COL4A5: variants seen among roughly 807,000 people sequenced by gnomAD.
COL4A5 encodes the protein collagen type IV alpha 5 chain, also known as collagen alpha-5(IV) chain.
Under a neutral mutation model 130.2 loss-of-function variants are expected in COL4A5, and 26 were observed. The observed-to-expected ratio is 0.20, with a 90% CI of 0.15 to 0.28. The LOEUF (loss-of-function observed/expected upper bound fraction) is 0.28. COL4A5 is among the 10% of genes least tolerant of loss of function. The pLI, the probability that COL4A5 is intolerant of heterozygous loss-of-function variation, is 1.00. For synonymous variants in COL4A5, 496 were observed against 439.6 expected (o/e 1.13, Z -1.60); for missense variants, 1,131 against 1,344.3 (o/e 0.84, Z 2.48).
chrX:108,563,609 TG>T (rs1355064656), intron 3 of COL4A5, among the ~76,000 whole-genome samples: 2 of 111,793 alleles, frequency 1.8e-5, no homozygotes, highest in African/African-American at 6.5e-5. Context: ...TTTGTTTTCT[TG>T]TATGATTCAT....
intron 2 of COL4A5, among the ~76,000 whole-genome samples, chrX:108,546,383 G>T (rs1336863842): frequency 8.9e-6 from 1 of 111,749 alleles, no homozygotes; most frequent in African/African-American, 3.3e-5. Context: ...AGTTTGGCTG[G>T]ATATGAAATT....
At chrX:108,544,775 C>T (rs1404971953) in intron 2 of COL4A5, among the ~76,000 whole-genome samples, 4 of 111,252 alleles carry the variant, frequency 3.6e-5, no homozygotes, top group Non-Finnish European at 7.5e-5. Flanking sequence ...TAATTATTGC[C>T]TCAATTTCAG....
chrX:108,477,866 C>T (rs1018328567), intron 1 of COL4A5, among the ~76,000 whole-genome samples: 4 of 109,259 alleles, frequency 3.7e-5, no homozygotes, highest in Admixed American at 2.9e-4. Flanking sequence ...GACAATTAGT[C>T]CCCATTTCTG....
intron 1 of COL4A5, among the ~76,000 whole-genome samples, chrX:108,491,159 G>T (rs1381683534): frequency 9.0e-6 from 1 of 111,296 alleles, no homozygotes; most frequent in East Asian, 2.8e-4. Context: ...AAAGTGTCTT[G>T]GAGCTATTTG....
At chrX:108,599,917 T>G (rs1400408817) in intron 25 of COL4A5, among the ~76,000 whole-genome samples, 1 of 112,254 alleles carries the variant, frequency 8.9e-6, no homozygotes, top group Non-Finnish European at 1.9e-5. Flanking sequence ...TAAGTGCATC[T>G]TCCACTTGAC....
At chrX:108,515,573 T>G (rs2065213092) in intron 1 of COL4A5, among the ~76,000 whole-genome samples, 1 of 101,413 alleles carries the variant, frequency 9.9e-6, no homozygotes, top group South Asian at 4.0e-4. Context: ...TAAAGGACAG[T>G]TTTTTTTTTG....
intron 24 of COL4A5, among the ~76,000 whole-genome samples, 189 bp downstream of exon 24, chrX:108,597,757 T>A (rs1429222998): frequency 1.8e-5 from 2 of 112,044 alleles, no homozygotes; most frequent in Non-Finnish European, 3.8e-5. Flanking sequence ...TTTCTTTCAC[T>A]TGTTTTGTAA....
chrX:108,604,530 C>G (rs1023487309), intron 28 of COL4A5, among the ~76,000 whole-genome samples: 3 of 112,017 alleles, frequency 2.7e-5, no homozygotes, highest in African/African-American at 9.7e-5. Flanking sequence ...TATTGTTCCA[C>G]TTATAGAGCA....
chrX:108,479,769 G>A lies in COL4A5; in HGVS notation c.81+39563G>A, dbSNP rs111768630. Among the ~76,000 whole-genome samples the A allele has an allele frequency of 7.9e-3, 883 of 111,860 alleles. 5 individuals carry two copies. The highest frequency in any genetic ancestry group is 0.056 in the East Asian group (197 of 3,541). On this transcript the variant is annotated intron_variant, in intron 1 of 52. Transcript: ENST00000328300. Reference sequence around the variant, plus strand: ...GTGCATGACCACTTTATGGCTAGATGGGTCAGAAAAGCACCCAGTTTATGA... The same window carrying A: ...GTGCATGACCACTTTATGGCTAGATAGGTCAGAAAAGCACCCAGTTTATGA...
intron 2 of COL4A5, among the ~76,000 whole-genome samples, chrX:108,551,757 G>C (rs754421876): frequency 8.9e-6 from 1 of 111,768 alleles, no homozygotes; most frequent in East Asian, 2.8e-4. Flanking sequence ...AGAGACACGT[G>C]CACTCATATG....
intron 36 of COL4A5, among the ~76,000 whole-genome samples, chrX:108,650,179 A>G (rs1208432333): frequency 5.4e-5 from 6 of 112,089 alleles, no homozygotes; most frequent in African/African-American, 9.7e-5. Flanking sequence ...AAAATGCTCA[A>G]CATCACTAAT....
intron 4 of COL4A5, among the ~76,000 whole-genome samples, chrX:108,566,108 A>C (rs2065965017): frequency 9.2e-6 from 1 of 108,154 alleles, no homozygotes; most frequent in Admixed American, 1.0e-4. Context: ...GATGGTCATT[A>C]TTTTGCTCAG....
At chrX:108,461,946 T>C (rs765005792) in intron 1 of COL4A5, among the ~76,000 whole-genome samples, 1 of 111,931 alleles carries the variant, frequency 8.9e-6, no homozygotes, top group African/African-American at 3.2e-5. Flanking sequence ...AAAAGTATTA[T>C]AAAAGGCAAG....
chrX:108,506,115 T>C (rs1413145021), intron 1 of COL4A5, among the ~76,000 whole-genome samples: 1 of 112,007 alleles, frequency 8.9e-6, no homozygotes, highest in African/African-American at 3.2e-5. Flanking sequence ...CCTGAGTCCT[T>C]TAACAAGACT....
chrX:108,646,087 A>G (rs2067579479), intron 36 of COL4A5, among the ~76,000 whole-genome samples: 1 of 102,475 alleles, frequency 9.8e-6, no homozygotes, highest in South Asian at 4.4e-4. Context: ...ATCCTTTGGT[A>G]TATACCCAGT....
chrX:108,530,042 C>G (rs2065364993), intron 1 of COL4A5, among the ~76,000 whole-genome samples: 1 of 111,312 alleles, frequency 9.0e-6, no homozygotes, highest in South Asian at 3.8e-4. Flanking sequence ...AATAGGGCTT[C>G]AGACCCAATA....
At chrX:108,495,371 G>C (rs934967784) in intron 1 of COL4A5, among the ~76,000 whole-genome samples, 1 of 111,739 alleles carries the variant, frequency 8.9e-6, no homozygotes, top group African/African-American at 3.3e-5. Context: ...TTTATTCTGT[G>C]AAAGTCCTTG....
At chrX:108,595,413 A>G in intron 21 of COL4A5, 96 bp from the exon 22 acceptor site, 1 of 725,005 alleles carries the variant, frequency 1.4e-6, no homozygotes, top group Non-Finnish European at 2.2e-6. Flanking sequence ...ATTAAGTGGA[A>G]ATGCTGTCCC....
chrX:108,603,038 C>T lies in COL4A5; in HGVS notation c.2221C>T (p.Pro741Ser). The T allele has an allele frequency of 3.4e-6, 4 of 1,183,685 alleles. No individual in the cohort carries two copies. Among genetic ancestry groups the T allele is most frequent in the Non-Finnish European group, 3.4e-6 (3 of 875,831 alleles). Residue 741 changes from proline to serine, a missense_variant, in exon 28 of 53, where the codon CCA becomes TCA. Coordinates refer to ENST00000328300, the MANE Select transcript of COL4A5 (RefSeq NM_033380.3). Reference protein sequence around the residue: ...GRIGLEGPPGPPGFPGPKGEP... With the variant: ...GRIGLEGPPGSPGFPGPKGEP... ...AATTGGTCTAGAAGGCCCTCCTGGGCCACCCGGCTTTCCAGGACCAAAGGT... is the reference window on the plus strand; with the variant it reads ...AATTGGTCTAGAAGGCCCTCCTGGGTCACCCGGCTTTCCAGGACCAAAGGT...
Sources: gnomAD v4.1 joint callset for allele counts (sites outside exome capture counted in the v4.1 genomes callset) on GRCh38, gnomAD v4.1.1 for gene constraint, MANE v1.5 for transcripts, NCBI Gene and HGNC (gene_info 2026-07-23, HGNC 2026-07-21) for gene names.